Variants in LYST observed in about 807,000 individuals in gnomAD.
The protein encoded by LYST is lysosomal trafficking regulator, also known as lysosomal-trafficking regulator.
In LYST, 192 loss-of-function variants were observed where a neutral mutation model predicts 413.6. The observed-to-expected ratio is 0.46, with a 90% CI of 0.41 to 0.52. The LOEUF is 0.52. Ranked by LOEUF, LYST falls within the 20% of genes least tolerant of loss-of-function variation. LYST has a pLI of 0.00. For synonymous variants in LYST, 1,525 were observed against 1,567.3 expected (o/e 0.97, Z 0.64); for missense variants, 3,815 against 4,499.9 (o/e 0.85, Z 4.35).
At chr1:235,739,010 T>A (rs1015288935) in intron 31 of LYST, 38 of 695,882 alleles carry the variant, frequency 5.5e-5, no homozygotes, top group Admixed American at 3.7e-4. Flanking sequence ...TGTCATACTA[T>A]TTCACTGTCT....
intron 5 of LYST, among the ~76,000 whole-genome samples, chr1:235,807,919 C>T (rs1193680355): frequency 2.0e-5 from 3 of 152,024 alleles, no homozygotes; most frequent in African/African-American, 7.2e-5. Flanking sequence ...ACATGTAATA[C>T]ATATTTTACA....
chr1:235,712,155 T>C lies in LYST; in HGVS notation c.9827A>G (p.Asn3276Ser). Residue 3276 changes from asparagine to serine, a missense_variant, in exon 43 of 53, where the codon AAT (asparagine) becomes AGT (serine). By Grantham distance (46) the Asn-to-Ser change is conservative. Transcript: ENST00000389793. ...DIPDRTFHST[N>S]TTWRLSSFES... ...AAAAGATGAGAGTCGCCAAGTTGTA[T>C]TTGTAGAATGAAAAGTTCTGTCTGG... is the stretch of plus-strand genomic sequence containing the variant. The C allele has an allele frequency of 6.3e-7, 1 of 1,584,572 alleles. No individual in the cohort carries two copies. The highest frequency in any genetic ancestry group is 8.6e-7 in the Non-Finnish European group (1 of 1,161,342).
intron 16 of LYST, among the ~76,000 whole-genome samples, chr1:235,778,708 A>T (rs1279611620): frequency 6.6e-6 from 1 of 150,958 alleles, no homozygotes; most frequent in African/African-American, 2.4e-5. Flanking sequence ...TATGACCCAC[A>T]GCAATCAGAC....
intron 10 of LYST, among the ~76,000 whole-genome samples, chr1:235,799,814 C>T (rs1049489285): frequency 6.6e-6 from 1 of 151,142 alleles, no homozygotes; most frequent in African/African-American, 2.4e-5. Flanking sequence ...AGATTTTCCT[C>T]TCTATAAACA....
intron 48 of LYST, among the ~76,000 whole-genome samples, chr1:235,681,619 G>C (rs541100511): frequency 6.6e-6 from 1 of 152,246 alleles, no homozygotes; most frequent in South Asian, 2.1e-4. Flanking sequence ...GCAATGGTCA[G>C]GGGGACATCT....
At chr1:235,830,472 A>G in intron 2 of LYST, 48 bp from the exon 3 acceptor site, 1 of 1,385,896 alleles carries the variant, frequency 7.2e-7, no homozygotes, top group Non-Finnish European at 1.0e-6. Flanking sequence ...AACAAATACA[A>G]ATTTACTTTT....
intron 38 of LYST, among the ~76,000 whole-genome samples, chr1:235,727,471 T>C (rs1035465396): frequency 6.6e-6 from 1 of 151,956 alleles, no homozygotes; most frequent in Non-Finnish European, 1.5e-5. Context: ...CCACACATAA[T>C]CTCATTTAGT....
At chr1:235,719,622 A>T (rs1379406078) in intron 40 of LYST, among the ~76,000 whole-genome samples, 1 of 83,286 alleles carries the variant, frequency 1.2e-5, no homozygotes, top group Admixed American at 1.1e-4. Flanking sequence ...AACCATGCAG[A>T]ATGATAAAAA....
At chr1:235,811,907 T>C (rs908947158) in intron 4 of LYST, among the ~76,000 whole-genome samples, 4 of 151,808 alleles carry the variant, frequency 2.6e-5, no homozygotes, top group African/African-American at 9.7e-5. Flanking sequence ...AGTTAGTGAA[T>C]CAATAAATAA....
intron 8 of LYST, among the ~76,000 whole-genome samples, chr1:235,802,024 T>A (rs1672287038): frequency 6.6e-6 from 1 of 151,832 alleles, no homozygotes; most frequent in Non-Finnish European, 1.5e-5. Flanking sequence ...TGAAACCCCA[T>A]CTCTACTAAA....
chr1:235,779,494 C>A (rs946376850), intron 16 of LYST, among the ~76,000 whole-genome samples: 3 of 152,164 alleles, frequency 2.0e-5, no homozygotes, highest in Non-Finnish European at 4.4e-5. Flanking sequence ...CCAGCATCAG[C>A]ATCACCTAGG....
At chr1:235,756,105 C>T (rs1667029370) in intron 24 of LYST, among the ~76,000 whole-genome samples, 1 of 151,752 alleles carries the variant, frequency 6.6e-6, no homozygotes. Flanking sequence ...GGCTTCTTGA[C>T]AGATTATTTA....
rs367792096 is a variant in LYST, at chr1:235,729,649, C to G, written c.9053G>C (p.Arg3018Pro). Residue 3018 changes from arginine to proline, a missense_variant, in exon 37 of 53, where the codon CGA (arginine) becomes CCA (proline). By Grantham distance (103) the Arg-to-Pro change is moderately radical (BLOSUM62 -2). Transcript: ENST00000389793. ...AGATGGTGCAACACTGATGCATCTT[C>G]GATTCACTCTGTCAAAACATATTTA... ...KAASESIRVN[R>P]RCISVAPSRE... The G allele has an allele frequency of 6.2e-7, 1 of 1,604,454 alleles. No individual in the cohort carries two copies. The highest frequency in any genetic ancestry group is 8.5e-7 in the Non-Finnish European group (1 of 1,171,472).
chr1:235,860,727 A>G (rs1373862530), intron 1 of LYST, among the ~76,000 whole-genome samples: 1 of 152,198 alleles, frequency 6.6e-6, no homozygotes. Context: ...TTTAAAGTGC[A>G]TAATTTGATA....
At chr1:235,842,146 G>A (rs1055819007) in intron 1 of LYST, among the ~76,000 whole-genome samples, 14 of 152,090 alleles carry the variant, frequency 9.2e-5, no homozygotes, top group African/African-American at 3.4e-4. Context: ...AGAAGCATAA[G>A]TGAAGGGGAC....
intron 3 of LYST, among the ~76,000 whole-genome samples, chr1:235,822,017 G>T (rs201093045): frequency 6.6e-6 from 1 of 152,206 alleles, no homozygotes; most frequent in Non-Finnish European, 1.5e-5. Context: ...TGTGGCTTTT[G>T]AGGCATAGAG....
Position 235,720,876 on chromosome 1 carries a change from G to A in LYST, c.9345C>T (p.Leu3115=), listed in dbSNP as rs139882915. The A allele has an allele frequency of 1.9e-6, 3 of 1,613,448 alleles. No individual in the cohort carries two copies. The highest frequency in any genetic ancestry group is 2.5e-6 in the Non-Finnish European group (3 of 1,179,582). Residue 3115 remains leucine, a synonymous_variant, in exon 40 of 53, where the codon CTC becomes CTT. Transcript: ENST00000389793. ...KVRDDVYHNI[L]TNNLPNLLEY... ...CCAGAAGATTAGGGAGGTTATTTGT[G>A]AGTATATTGTGGTATACATCATCAC...
chr1:235,696,594 G>A (rs748360219), intron 46 of LYST, among the ~76,000 whole-genome samples: 20 of 152,202 alleles, frequency 1.3e-4, no homozygotes, highest in Non-Finnish European at 2.5e-4. Context: ...GGCCTCTACT[G>A]CACAGCACTT....
chr1:235,870,967 G>C (rs999324983), upstream of LYST, among the ~76,000 whole-genome samples: 7 of 152,172 alleles, frequency 4.6e-5, no homozygotes, highest in Admixed American at 2.6e-4. Context: ...TGCGATTTCA[G>C]CAATAGTAAG....
Sources: allele counts gnomAD v4.1 joint callset (sites outside exome capture counted in the v4.1 genomes callset), GRCh38; gene constraint gnomAD v4.1.1; transcripts MANE v1.5; gene names NCBI Gene and HGNC (gene_info 2026-07-23, HGNC 2026-07-21).